Variants in OCA2 observed in about 807,000 individuals in gnomAD.
OCA2 encodes OCA2 melanosomal transmembrane protein, also known as P protein.
In OCA2, 77 loss-of-function variants were observed where a neutral mutation model predicts 100.2. That is an observed-to-expected ratio of 0.77 (90% CI 0.64 to 0.93). The LOEUF (loss-of-function observed/expected upper bound fraction) is 0.93, where lower values mean the gene tolerates loss of function less well. OCA2 is among the 40% of genes least tolerant of loss of function. The pLI, the probability that OCA2 is intolerant of heterozygous loss-of-function variation, is 0.00. For missense variants in OCA2, 1,062 were observed against 1,089.1 expected (o/e 0.98, Z 0.35); for synonymous variants, 432 against 439.2 (o/e 0.98, Z 0.21).
chr15:27,832,971 G>A (rs1268420039), intron 23 of OCA2, among the ~76,000 whole-genome samples: 2 of 150,138 alleles, frequency 1.3e-5, no homozygotes, highest in African/African-American at 2.5e-5. Context: ...ATGCCACCAC[G>A]CCCAGCTGAT....
At chr15:27,847,074 C>G (rs1022424015) in intron 22 of OCA2, among the ~76,000 whole-genome samples, 1 of 152,208 alleles carries the variant, frequency 6.6e-6, no homozygotes, top group African/African-American at 2.4e-5. Flanking sequence ...TGGCCTCCCT[C>G]CCTGAGGGCC....
At chr15:27,991,555 A>C (rs2041555640) in intron 9 of OCA2, among the ~76,000 whole-genome samples, 1 of 152,190 alleles carries the variant, frequency 6.6e-6, no homozygotes, top group Admixed American at 6.5e-5. Flanking sequence ...GGGCTGCCCA[A>C]GGCTGGGGAA....
chr15:27,770,915 C>CTCCCTCCCTCTTTTTTCTTCCTACCT (rs150161791), intron 23 of OCA2, among the ~76,000 whole-genome samples: 1 of 111,390 alleles, frequency 9.0e-6, no homozygotes, highest in African/African-American at 4.1e-5. Context: ...TCCTTCCCTC[C>CTCCCTCCCTCTTTTTTCTTCCTACCT]TCCCTCCCTC....
At chr15:27,985,908 G>A (rs540789490) in intron 12 of OCA2, among the ~76,000 whole-genome samples, 1 of 152,174 alleles carries the variant, frequency 6.6e-6, no homozygotes, top group African/African-American at 2.4e-5. Context: ...CACCAGGATG[G>A]TCTCAACCTC....
chr15:27,960,302 G>A (rs917038188), intron 15 of OCA2, among the ~76,000 whole-genome samples: 1 of 152,142 alleles, frequency 6.6e-6, no homozygotes, highest in African/African-American at 2.4e-5. Context: ...ATCTGTGTTT[G>A]ATGCTAAAGG....
chr15:27,987,759 T>C (rs2041410878), intron 11 of OCA2, among the ~76,000 whole-genome samples: 1 of 151,960 alleles, frequency 6.6e-6, no homozygotes, highest in South Asian at 2.1e-4. Context: ...AACAAAAATA[T>C]GAATTAACCT....
rs2040580546 is a variant in OCA2 at position 27,966,735 on chromosome 15, A to G, written c.1591T>C (p.Tyr531His). The change falls in exon 15 of 24, where the codon TAC (tyrosine) becomes CAC (histidine). Residue 531 changes from tyrosine to histidine, a missense_variant. Coordinates refer to ENST00000354638, the MANE Select transcript of OCA2 (RefSeq NM_000275.3). Reference sequence around the variant, plus strand: ...TTGTTATAAAGCTTTCTGTTCCAGTAAAGGAGTCTGAGGAGCGGAAAGCAG... The same window carrying G: ...TTGTTATAAAGCTTTCTGTTCCAGTGAAGGAGTCTGAGGAGCGGAAAGCAG... Reference protein sequence around the residue: ...LVCFPLLRLLYWNRKLYNKEP... With the variant: ...LVCFPLLRLLHWNRKLYNKEP... 2 of 1,614,012 alleles carry G rather than the reference A, an allele frequency of 1.2e-6. No homozygotes were observed. Among genetic ancestry groups the G allele is most frequent in the Non-Finnish European group, 1.7e-6 (2 of 1,180,014 alleles).
intron 23 of OCA2, among the ~76,000 whole-genome samples, chr15:27,783,003 G>A (rs2032621671): frequency 6.6e-6 from 1 of 152,136 alleles, no homozygotes; most frequent in Non-Finnish European, 1.5e-5. Context: ...TAGGGCTATG[G>A]GTTTATAGGA....
At chr15:27,975,842 G>A (rs1308573843) in intron 14 of OCA2, among the ~76,000 whole-genome samples, 2 of 151,960 alleles carry the variant, frequency 1.3e-5, no homozygotes, top group Non-Finnish European at 2.9e-5. Context: ...GTTTTGATGG[G>A]GATTGCTTGA....
intron 15 of OCA2, among the ~76,000 whole-genome samples, chr15:27,962,298 T>C (rs1302101519): frequency 1.3e-5 from 2 of 152,244 alleles, no homozygotes; most frequent in African/African-American, 2.4e-5. Context: ...TCTTTGTCTT[T>C]GCCACCCTAG....
At chr15:27,728,930 G>A in the OCA2 span, among the ~76,000 whole-genome samples, 1,080 of 152,174 alleles carry the variant, frequency 7.1e-3, 9 homozygotes, top group Non-Finnish European at 0.011. Context: ...TTTTTCAAAC[G>A]ATCAAGTCCT....
At chr15:27,965,952 G>C (rs2040550531) in intron 15 of OCA2, among the ~76,000 whole-genome samples, 1 of 108,154 alleles carries the variant, frequency 9.2e-6, no homozygotes, top group South Asian at 2.5e-4. Flanking sequence ...CTCAGCATCT[G>C]CTGTTTGTTT....
chr15:27,976,158 T>G (rs2040958856), intron 14 of OCA2, among the ~76,000 whole-genome samples: 1 of 152,212 alleles, frequency 6.6e-6, no homozygotes, highest in Admixed American at 6.5e-5. Flanking sequence ...AGGAGCTCTT[T>G]TGTGGACTGC....
chr15:27,871,297 A>G (rs773218330), intron 20 of OCA2, 39 bp from the exon 21 acceptor site: 7 of 1,513,840 alleles, frequency 4.6e-6, no homozygotes, highest in African/African-American at 4.1e-5. Flanking sequence ...GTTCCATCGC[A>G]TGCACTTAGG....
chr15:27,872,553 C>T (rs778120755), intron 19 of OCA2, among the ~76,000 whole-genome samples: 5 of 152,148 alleles, frequency 3.3e-5, no homozygotes, highest in South Asian at 4.1e-4. Flanking sequence ...GAGAGGTCAC[C>T]GGAAAGCAAC....
intron 9 of OCA2, among the ~76,000 whole-genome samples, chr15:28,006,155 C>T (rs1309259357): frequency 1.3e-5 from 2 of 152,170 alleles, no homozygotes; most frequent in African/African-American, 4.8e-5. Flanking sequence ...CTGGCCCCTC[C>T]GCACACGTTA....
chr15:28,027,046 C>A (rs1384829722), intron 4 of OCA2, among the ~76,000 whole-genome samples: 2 of 152,202 alleles, frequency 1.3e-5, no homozygotes, highest in Non-Finnish European at 2.9e-5. Context: ...GGTCCCGGCT[C>A]CAAAACCTTG....
At position 27,943,672 on chromosome 15, in the gene OCA2, A is replaced by T. The variant is rs543427668; in HGVS notation, c.1951+8112T>A. The stretch of plus-strand genomic sequence containing the variant: ...TGCCCTAAAACTTAAAGTATAATTT[A>T]AAAAAAAAAAAAAAAAAAACCTTGG... On this transcript the variant is annotated intron_variant, in intron 18 of 23. Coordinates refer to ENST00000354638, the MANE Select transcript of OCA2 (RefSeq NM_000275.3). 6.7e-4 allele frequency among the ~76,000 whole-genome samples: 70 copies of T among 103,952 alleles called. 2 individuals are homozygous for T. In the South Asian group the frequency reaches 0.018, roughly 27 times the overall value. 68.2% of individuals were successfully genotyped at this position (103,952 alleles called of 152,430 possible).
At chr15:27,932,821 T>C (rs1047095975) in intron 18 of OCA2, among the ~76,000 whole-genome samples, 2 of 152,100 alleles carry the variant, frequency 1.3e-5, no homozygotes, top group Non-Finnish European at 2.9e-5. Context: ...CAAAAATAGT[T>C]TGGAAATGTC....
Sources: allele counts gnomAD v4.1 joint callset (sites outside exome capture counted in the v4.1 genomes callset), GRCh38; gene constraint gnomAD v4.1.1; transcripts MANE v1.5; gene names NCBI Gene and HGNC (gene_info 2026-07-23, HGNC 2026-07-21).